The following RCSD1 variants were observed in gnomAD, a reference collection of about 807,000 sequenced individuals.
RCSD1 encodes capZ-interacting protein.
Under a neutral mutation model 42.5 loss-of-function variants are expected in RCSD1, and 26 were observed. The observed-to-expected ratio is 0.61, with a 90% CI of 0.45 to 0.85. RCSD1 has a LOEUF of 0.85. Among genes scored for constraint, RCSD1 ranks in the 40% least tolerant of loss-of-function variants. RCSD1 has a pLI of 0.00. For synonymous variants in RCSD1, 220 were observed against 212.2 expected, an observed-to-expected ratio of 1.04 and a Z score of -0.32; for missense variants, 571 against 528.3, an observed-to-expected ratio of 1.08 and a Z score of -0.79.
At chr1:167,635,974 C>A (rs1443211925) in intron 1 of RCSD1, among the ~76,000 whole-genome samples, 1 of 152,200 alleles carries the variant, frequency 6.6e-6, no homozygotes, top group Non-Finnish European at 1.5e-5. Flanking sequence ...AGGATGAACA[C>A]TGAGTTGCCA....
chr1:167,689,061 G>C (rs1380176561), intron 3 of RCSD1, among the ~76,000 whole-genome samples: 1 of 152,164 alleles, frequency 6.6e-6, no homozygotes, highest in Non-Finnish European at 1.5e-5. Context: ...CTAACAGAGA[G>C]TACGTATGAT....
chr1:167,678,130 A>G (rs1658993561), intron 1 of RCSD1, among the ~76,000 whole-genome samples: 1 of 152,150 alleles, frequency 6.6e-6, no homozygotes, highest in Admixed American at 6.5e-5. Flanking sequence ...GTGACTAAGG[A>G]GACATCCCAG....
intron 1 of RCSD1, chr1:167,664,114 A>C (rs1658599276): frequency 6.6e-6 from 1 of 152,222 alleles, no homozygotes; most frequent in African/African-American, 2.4e-5. Flanking sequence ...TCCTCATTTT[A>C]CAGATGAGAG....
intron 1 of RCSD1, among the ~76,000 whole-genome samples, chr1:167,657,349 T>C (rs1018969632): frequency 6.6e-6 from 1 of 152,216 alleles, no homozygotes; most frequent in Non-Finnish European, 1.5e-5. Flanking sequence ...TCTTTTGTCC[T>C]GTGATTTGGA....
chr1:167,641,973 C>G (rs772249341), intron 1 of RCSD1: 2 of 152,228 alleles, frequency 1.3e-5, no homozygotes, highest in African/African-American at 2.4e-5. Flanking sequence ...GCTGGGGGCT[C>G]TGCTCTGGCT....
At chr1:167,698,503 G>A (rs578170852) in intron 6 of RCSD1, among the ~76,000 whole-genome samples, 5 of 152,266 alleles carry the variant, frequency 3.3e-5, no homozygotes, top group South Asian at 2.1e-4. Flanking sequence ...TGAGGAGGAC[G>A]GGGTGACTCA....
intron 5 of RCSD1, among the ~76,000 whole-genome samples, chr1:167,694,891 G>C (rs143970685): frequency 1.3e-5 from 2 of 152,120 alleles, no homozygotes; most frequent in African/African-American, 4.8e-5. Context: ...CACATCCCTC[G>C]CCCTGCTGGG....
chr1:167,687,404 TC>T (rs1659261305), intron 3 of RCSD1, among the ~76,000 whole-genome samples: 1 of 151,714 alleles, frequency 6.6e-6, no homozygotes, highest in African/African-American at 2.4e-5. Flanking sequence ...GCGCCTGTAG[TC>T]CCAGCTACTC....
chr1:167,698,097 GGT>G (rs879341738), intron 6 of RCSD1, among the ~76,000 whole-genome samples: 1 of 152,186 alleles, frequency 6.6e-6, no homozygotes, highest in Non-Finnish European at 1.5e-5. Flanking sequence ...CAAGCTTCTG[GGT>G]GTGTGTGAGT....
chr1:167,663,394 A>T (rs149626894), intron 1 of RCSD1: 12 of 142,422 alleles, frequency 8.4e-5, no homozygotes, highest in Non-Finnish European at 1.9e-4. Context: ...CCTTCATACC[A>T]TACGCCTGGG....
intron 1 of RCSD1, among the ~76,000 whole-genome samples, chr1:167,677,556 G>T (rs1420772407): frequency 2.0e-5 from 3 of 152,238 alleles, no homozygotes; most frequent in Non-Finnish European, 4.4e-5. Flanking sequence ...TTTTTAAAAG[G>T]TGTGGGTAGA....
intron 4 of RCSD1, 80 bp downstream of exon 4, chr1:167,690,200 C>T: frequency 7.4e-7 from 1 of 1,343,302 alleles, no homozygotes; most frequent in Non-Finnish European, 1.1e-6. Flanking sequence ...CTTTGAGGCT[C>T]ATAGGGGTAG....
chr1:167,683,928 T>C lies in RCSD1; in HGVS notation c.35T>C (p.Val12Ala). The stretch of plus-strand genomic sequence containing the variant: ...AGACCGGCAGAGACCAATGCCAATG[T>C]GGACAACTCGGCGTCCCCCTCGGTG... The part of the protein sequence containing the change: ...EERPAETNAN[V>A]DNSASPSVAQ... The change falls in exon 2 of 7, where the codon GTG (valine) becomes GCG (alanine). Residue 12 changes from valine to alanine, a missense_variant. Transcript: ENST00000367854. 6.2e-7 allele frequency: 1 copy of C among 1,614,234 alleles called. No homozygotes were observed. The highest frequency in any genetic ancestry group is 8.5e-7 in the Non-Finnish European group (1 of 1,180,036).
At chr1:167,669,365 G>A (rs1658747501) in intron 1 of RCSD1, among the ~76,000 whole-genome samples, 1 of 152,198 alleles carries the variant, frequency 6.6e-6, no homozygotes, top group African/African-American at 2.4e-5. Context: ...GCCTCCACAG[G>A]ACAAGCCCTA....
intron 1 of RCSD1, among the ~76,000 whole-genome samples, chr1:167,658,643 C>G (rs1445760522): frequency 6.6e-6 from 1 of 151,972 alleles, no homozygotes; most frequent in East Asian, 1.9e-4. Flanking sequence ...ATTGGCCAGG[C>G]TGGCCTAGAA....
intron 1 of RCSD1, among the ~76,000 whole-genome samples, chr1:167,649,590 G>T (rs1366849521): frequency 6.6e-6 from 1 of 152,136 alleles, no homozygotes; most frequent in Non-Finnish European, 1.5e-5. Context: ...CTCTGGCCGT[G>T]GTTCAAGGAA....
At chr1:167,693,504 G>A (rs762408696) in intron 4 of RCSD1, among the ~76,000 whole-genome samples, 52 of 152,228 alleles carry the variant, frequency 3.4e-4, no homozygotes, top group Admixed American at 7.2e-4. Flanking sequence ...CTGGAGCTCA[G>A]TGGCCTACTG....
chr1:167,686,819 G>A (rs1659247209), intron 3 of RCSD1, among the ~76,000 whole-genome samples: 1 of 152,222 alleles, frequency 6.6e-6, no homozygotes. Context: ...GCAATGGGTT[G>A]AGGTTATGGC....
intron 1 of RCSD1, among the ~76,000 whole-genome samples, chr1:167,676,631 A>G (rs1259328370): frequency 6.6e-6 from 1 of 152,188 alleles, no homozygotes; most frequent in Non-Finnish European, 1.5e-5. Context: ...TACACTGATA[A>G]AATCCTGTCA....
Sources: allele counts gnomAD v4.1 joint callset (sites outside exome capture counted in the v4.1 genomes callset), GRCh38; gene constraint gnomAD v4.1.1; transcripts MANE v1.5; gene names NCBI Gene and HGNC (gene_info 2026-07-23, HGNC 2026-07-21).